The following TIAM1 variants were observed in gnomAD, a reference collection of about 807,000 sequenced individuals.
TIAM1 encodes the protein rho guanine nucleotide exchange factor TIAM1.
In TIAM1, 65 loss-of-function variants were observed where a neutral mutation model predicts 163.5. The ratio of observed to expected loss-of-function variants is 0.40; its 90% CI spans 0.33 to 0.49. The LOEUF is 0.49. Ranked by LOEUF, TIAM1 falls within the 20% of genes least tolerant of loss-of-function variation. The probability of loss-of-function intolerance (pLI) is 0.77; values close to 1 mark genes in which losing one functional copy is unlikely to be tolerated. For synonymous variants in TIAM1, 833 were observed against 810.1 expected, an observed-to-expected ratio of 1.03 and a Z score of -0.48; for missense variants, 1,789 against 2,044.7, an observed-to-expected ratio of 0.87 and a Z score of 2.41.
In TIAM1 at chr21:31,260,752, G is replaced by A. The variant is rs539595450; in HGVS notation, c.963+5258C>T. Among the ~76,000 whole-genome samples, 8 of 148,942 alleles carry A rather than the reference G, an allele frequency of 5.4e-5. No individual in the cohort carries two copies. The South Asian group carries it at 1.5e-3, about 28-fold the overall frequency. ...ATAGAGGAGAACAGAAAAAAAAAAG[G>A]GTGTTTTAAAAATCGATTTTACATG... On this transcript the variant is annotated intron_variant, in intron 4 of 27. Coordinates refer to ENST00000541036, the MANE Select transcript of TIAM1 (RefSeq NM_001353694.2).
chr21:31,233,979 C>T (rs576214553), intron 6 of TIAM1, among the ~76,000 whole-genome samples: 3 of 152,304 alleles, frequency 2.0e-5, no homozygotes, highest in East Asian at 3.9e-4. Flanking sequence ...CAACCGGAGT[C>T]TCTCCACAAG....
Position 31,266,070 on chromosome 21 carries a change from G to T in TIAM1, c.903C>A (p.Ala301=), listed in dbSNP as rs761217122. The T allele has an allele frequency of 2.5e-6, 4 of 1,614,104 alleles. No homozygotes were observed. In the Admixed American group the frequency reaches 6.7e-5, roughly 27 times the overall value. ...CRKSHCLSEG[A]TNPQISHSNS... ...TGCTATGGCTAATTTGTGGGTTGGT[G>T]GCACCTTCAGAGAGACAGTGAGATT... The change falls in exon 4 of 28, where the codon GCC becomes GCA. Residue 301 remains alanine (A), a synonymous_variant. Transcript: ENST00000541036.
intron 2 of TIAM1, among the ~76,000 whole-genome samples, chr21:31,301,727 C>T (rs1055676603): frequency 1.3e-4 from 19 of 151,964 alleles, no homozygotes; most frequent in African/African-American, 4.4e-4. Flanking sequence ...GTAATCCCAG[C>T]TACTCAGGAG....
At chr21:31,167,893 A>G (rs1395676924) in intron 15 of TIAM1, among the ~76,000 whole-genome samples, 1 of 152,068 alleles carries the variant, frequency 6.6e-6, no homozygotes, top group Non-Finnish European at 1.5e-5. Flanking sequence ...GGTCAGTACA[A>G]CTTCAGGAGT....
intron 2 of TIAM1, among the ~76,000 whole-genome samples, chr21:31,365,383 C>CT (rs201546931): frequency 7.2e-6 from 1 of 138,418 alleles, no homozygotes; most frequent in African/African-American, 2.7e-5. Flanking sequence ...TCACTTATTT[C>CT]TTTCTTTTTT....
In TIAM1 at chr21:31,252,116, A is replaced by G; in HGVS notation, c.1037T>C (p.Leu346Pro). The G allele has an allele frequency of 1.9e-6, 3 of 1,613,432 alleles. No homozygotes were observed. The East Asian group carries it at 6.7e-5, about 36-fold the overall frequency. Residue 346 changes from leucine (L) to proline (P), a missense_variant, in exon 5 of 28, where the codon CTG (leucine) becomes CCG (proline). Physicochemically the swap from Leu to Pro is moderately conservative, Grantham distance 98. Around this residue, in one of 5 missense-constraint regions of TIAM1, gnomAD observed 555 missense variants for 564.9 expected, o/e 0.98. Coordinates refer to ENST00000541036, the MANE Select transcript of TIAM1 (RefSeq NM_001353694.2). ...IEGATTDTDL[L>P]SRRSNATNSS... The stretch of plus-strand genomic sequence containing the variant: ...GTTGGTGGCATTAGATCGCCTGGAC[A>G]GGAGGTCCGTGTCGGTAGTGGCCCC...
At chr21:31,465,994 C>T (rs535400156) in intron 1 of TIAM1, among the ~76,000 whole-genome samples, 12 of 152,234 alleles carry the variant, frequency 7.9e-5, no homozygotes, top group Admixed American at 3.9e-4. Context: ...GCGTGAGCCA[C>T]GGCGCCCGGC....
chr21:31,492,981 A>T (rs1468660063), intron 1 of TIAM1, among the ~76,000 whole-genome samples: 4 of 151,124 alleles, frequency 2.6e-5, no homozygotes, highest in South Asian at 2.1e-4. Context: ...ATAGTTATGT[A>T]TTTTTTTTTT....
chr21:31,288,589 G>A (rs767445230), intron 2 of TIAM1, among the ~76,000 whole-genome samples: 1 of 152,120 alleles, frequency 6.6e-6, no homozygotes, highest in East Asian at 1.9e-4. Context: ...CAGGTATTAG[G>A]TTCCAACATA....
chr21:31,185,937 G>A (rs900094556), intron 14 of TIAM1, among the ~76,000 whole-genome samples: 6 of 152,114 alleles, frequency 3.9e-5, no homozygotes, highest in East Asian at 3.8e-4. Context: ...TTCCCTCAGA[G>A]GCTTCAGAGA....
intron 7 of TIAM1, among the ~76,000 whole-genome samples, chr21:31,224,486 G>C (rs982605821): frequency 6.6e-6 from 1 of 152,184 alleles, no homozygotes; most frequent in African/African-American, 2.4e-5. Flanking sequence ...GGACACAAAA[G>C]GCCACGTACT....
At chr21:31,257,185 C>A (rs955600101) in intron 4 of TIAM1, among the ~76,000 whole-genome samples, 12 of 152,222 alleles carry the variant, frequency 7.9e-5, no homozygotes, top group African/African-American at 2.9e-4. Context: ...CCCTGATTTG[C>A]CAGAATAGGA....
intron 1 of TIAM1, among the ~76,000 whole-genome samples, chr21:31,482,604 G>A (rs1421550190): frequency 6.6e-6 from 1 of 152,128 alleles, no homozygotes; most frequent in Non-Finnish European, 1.5e-5. Context: ...GTCTAGTGAT[G>A]GCTTCTGGTG....
intron 12 of TIAM1, among the ~76,000 whole-genome samples, chr21:31,198,037 T>G (rs1172864167): frequency 6.6e-6 from 1 of 152,224 alleles, no homozygotes; most frequent in African/African-American, 2.4e-5. Flanking sequence ...ATGTGTCAAA[T>G]GCTCATATAG....
chr21:31,315,568 G>C (rs1367767144), intron 2 of TIAM1, among the ~76,000 whole-genome samples: 1 of 150,202 alleles, frequency 6.7e-6, no homozygotes, highest in Non-Finnish European at 1.5e-5. Context: ...CCAACTACTT[G>C]GGAGACTGAG....
intron 1 of TIAM1, among the ~76,000 whole-genome samples, chr21:31,467,488 T>C (rs2045574564): frequency 6.6e-6 from 1 of 151,836 alleles, no homozygotes; most frequent in African/African-American, 2.4e-5. Context: ...TAGCTGGGCG[T>C]GGCGACACAT....
intron 16 of TIAM1, among the ~76,000 whole-genome samples, chr21:31,156,748 A>G (rs2083641209): frequency 6.6e-6 from 1 of 152,248 alleles, no homozygotes; most frequent in South Asian, 2.1e-4. Context: ...TGCCAAAATG[A>G]AAATCCATGG....
intron 14 of TIAM1, among the ~76,000 whole-genome samples, chr21:31,186,590 A>G (rs1338440002): frequency 6.6e-6 from 1 of 152,006 alleles, no homozygotes; most frequent in East Asian, 1.9e-4. Context: ...GGGGCAACAC[A>G]GCAAGACCCC....
chr21:31,358,056 G>A (rs1236517027), intron 2 of TIAM1, among the ~76,000 whole-genome samples: 1 of 152,216 alleles, frequency 6.6e-6, no homozygotes, highest in Non-Finnish European at 1.5e-5. Flanking sequence ...TTAACCCAAA[G>A]AAAGACTTGC....
Sources: allele counts gnomAD v4.1 joint callset (sites outside exome capture counted in the v4.1 genomes callset), GRCh38; gene constraint gnomAD v4.1.1; regional missense constraint gnomAD v4.1.1; transcripts MANE v1.5; gene names NCBI Gene and HGNC (gene_info 2026-07-23, HGNC 2026-07-21).